RPH3AL: variants seen among roughly 807,000 people sequenced by gnomAD.
RPH3AL encodes rab effector Noc2.
RPH3AL carries 38 observed loss-of-function variants against 43.1 expected under a neutral mutation model. The observed-to-expected ratio is 0.88, with a 90% CI of 0.68 to 1.15. The LOEUF is 1.15. Ranked by LOEUF, RPH3AL falls within the 50% of genes most tolerant of loss-of-function variation. RPH3AL has a pLI of 0.00. For synonymous variants in RPH3AL, 189 were observed against 176.3 expected (o/e 1.07, Z -0.57); for missense variants, 462 against 423.2 (o/e 1.09, Z -0.81).
intron 3 of RPH3AL, 22 bp downstream of exon 3, chr17:327,444 TG>T: frequency 1.2e-6 from 2 of 1,610,236 alleles, no homozygotes; most frequent in Non-Finnish European, 8.5e-7. Context: ...AGGGACGGCC[TG>T]GGGGGCCCCA....
chr17:301,504 C>T (rs1468812664), intron 5 of RPH3AL, among the ~76,000 whole-genome samples: 1 of 152,154 alleles, frequency 6.6e-6, no homozygotes. Flanking sequence ...GGGGTTTTGC[C>T]TTGTTGCCCG....
intron 6 of RPH3AL, among the ~76,000 whole-genome samples, chr17:267,876 C>T (rs28593623): frequency 0.44 from 66,782 of 151,874 alleles, 14,977 homozygotes; most frequent in South Asian, 0.65. Context: ...GGTGTATGCC[C>T]GTGAAAGCTA....
intron 7 of RPH3AL, among the ~76,000 whole-genome samples, chr17:239,646 G>A (rs1286701709): frequency 6.6e-6 from 1 of 151,952 alleles, no homozygotes; most frequent in East Asian, 1.9e-4. Context: ...TTTTTTGAGA[G>A]ATAGGGGTCT....
chr17:345,111 C>T (rs2045211952), intron 1 of RPH3AL, among the ~76,000 whole-genome samples: 1 of 135,168 alleles, frequency 7.4e-6, no homozygotes, highest in Non-Finnish European at 1.7e-5. Flanking sequence ...TCTGAAAACA[C>T]ACACACACAC....
At chr17:243,439 T>A (rs1358098807) in intron 7 of RPH3AL, among the ~76,000 whole-genome samples, 1 of 144,012 alleles carries the variant, frequency 6.9e-6, no homozygotes, top group Non-Finnish European at 1.5e-5. Context: ...CTCTATTGAT[T>A]ACCTTCCTCT....
At chr17:218,626 G>A (rs894292884) in intron 8 of RPH3AL, among the ~76,000 whole-genome samples, 2 of 152,198 alleles carry the variant, frequency 1.3e-5, no homozygotes, top group African/African-American at 4.8e-5. Flanking sequence ...TTTCCCAGAA[G>A]TCCTTTGTGT....
intron 5 of RPH3AL, among the ~76,000 whole-genome samples, chr17:286,584 G>C (rs12946667): frequency 0.27 from 40,848 of 152,192 alleles, 5,637 homozygotes; most frequent in East Asian, 0.43. Flanking sequence ...TTGTTCCCAG[G>C]TTCCAATAAA....
chr17:242,183 C>T (rs2041556226), intron 7 of RPH3AL, among the ~76,000 whole-genome samples: 1 of 152,142 alleles, frequency 6.6e-6, no homozygotes, highest in African/African-American at 2.4e-5. Context: ...ACCTCAGAAA[C>T]ATCAACCCTT....
At chr17:286,846 C>CCTTCT (rs2042925226) in intron 5 of RPH3AL, among the ~76,000 whole-genome samples, 3 of 152,132 alleles carry the variant, frequency 2.0e-5, no homozygotes, top group South Asian at 2.1e-4. Context: ...GGGTGTTAAA[C>CCTTCT]GATGAAGCTT....
intron 6 of RPH3AL, among the ~76,000 whole-genome samples, chr17:260,185 C>T (rs1384182227): frequency 6.6e-6 from 1 of 152,202 alleles, no homozygotes; most frequent in African/African-American, 2.4e-5. Flanking sequence ...TGTTCCTTCC[C>T]CCTGGAGTGC....
chr17:245,421 A>G lies in RPH3AL; in HGVS notation c.613+1690T>C, dbSNP rs1555539538. ...TATCAGTGTGTGTGTGTGCATGGTG[A>G]TGTGTGTGTAGGTGTGAGCGTGTGT... On this transcript the variant is annotated intron_variant, in intron 7 of 9. Coordinates refer to ENST00000331302, the MANE Select transcript of RPH3AL (RefSeq NM_006987.4). This position sits in a 1 kb window ranked among gnomAD's most constrained non-coding sequence, Gnocchi z 5.9. Among the ~76,000 whole-genome samples, 1 of 136,408 alleles carries G rather than the reference A, an allele frequency of 7.3e-6. No individual in the cohort carries two copies. Among genetic ancestry groups the G allele is most frequent in the East Asian group, 2.2e-4 (1 of 4,460 alleles). 89.5% of individuals were successfully genotyped at this position (136,408 alleles called of 152,430 possible).
rs1224617365 is a variant in RPH3AL, at chr17:327,512, T to C, written c.32A>G (p.Asp11Gly). MADTIFGSGN[D>G]QWVCPNDRQL... ...CCGGTCATTGGGGCAAACCCACTGATCATTCCCGCTGCCGAAGATGGTGTC... is the reference window on the plus strand; with the variant it reads ...CCGGTCATTGGGGCAAACCCACTGACCATTCCCGCTGCCGAAGATGGTGTC... Residue 11 changes from aspartate (D) to glycine (G), a missense_variant, in exon 3 of 10, where the codon GAT (aspartate) becomes GGT (glycine). Transcript: ENST00000331302. 1 of 1,613,792 alleles carries C rather than the reference T, an allele frequency of 6.2e-7. No individual in the cohort carries two copies. The highest frequency in any genetic ancestry group is 2.2e-5 in the East Asian group (1 of 44,890).
At chr17:348,135 C>A (rs1296646686) in intron 1 of RPH3AL, among the ~76,000 whole-genome samples, 4 of 150,212 alleles carry the variant, frequency 2.7e-5, no homozygotes, top group African/African-American at 9.8e-5. Context: ...GGAAGGAAAC[C>A]AGTCTGAAAG....
At chr17:331,257 G>C in intron 2 of RPH3AL, 1 of 221,082 alleles carries the variant, frequency 4.5e-6, no homozygotes, top group Non-Finnish European at 9.3e-6. Flanking sequence ...AAGAGCCACA[G>C]AGCCAAATGC....
rs749526861 is a variant in RPH3AL, at chr17:327,569, G to A, written c.-26C>T. The A allele has an allele frequency of 6.2e-7, 1 of 1,609,300 alleles. No individual in the cohort carries two copies. Among genetic ancestry groups the A allele is most frequent in the Admixed American group, 1.7e-5 (1 of 60,002 alleles). ...GGCTCGGAGCACCCGGCTGGGGGTG[G>A]GGAGTCACATCTGAGATGAAGGAGG... is the stretch of plus-strand genomic sequence containing the variant. On this transcript the variant is annotated 5_prime_UTR_variant, in exon 3 of 10. Transcript: ENST00000331302.
intron 7 of RPH3AL, among the ~76,000 whole-genome samples, chr17:242,368 C>T (rs71372186): frequency 0.063 from 1,148 of 18,266 alleles, 1 homozygote; most frequent in Middle Eastern, 0.18. Flanking sequence ...CCTCTATTGA[C>T]TACCTTCCTC....
chr17:331,078 C>T (rs887479186), intron 2 of RPH3AL: 10 of 150,736 alleles, frequency 6.6e-5, no homozygotes, highest in African/African-American at 2.0e-4. Context: ...GGGAGGCAAG[C>T]GAGGGAGGCA....
chr17:271,297 T>C (rs961433322), intron 6 of RPH3AL, among the ~76,000 whole-genome samples: 2 of 152,216 alleles, frequency 1.3e-5, no homozygotes, highest in African/African-American at 4.8e-5. Flanking sequence ...AAGTAGTTTT[T>C]TCCAATTCTG....
chr17:247,419 C>G, intron 6 of RPH3AL, 134 bp from the exon 7 acceptor site: 1 of 874,566 alleles, frequency 1.1e-6, no homozygotes, highest in Non-Finnish European at 1.7e-6. Flanking sequence ...GCTCTGCCCT[C>G]CCTGGCTGAT....
Sources: gnomAD v4.1 joint callset for allele counts (sites outside exome capture counted in the v4.1 genomes callset) on GRCh38, gnomAD v4.1.1 for gene constraint, Gnocchi (gnomAD v3.1) non-coding constraint, MANE v1.5 for transcripts, NCBI Gene and HGNC (gene_info 2026-07-23, HGNC 2026-07-21) for gene names.